Variants in DLC1 observed in about 807,000 individuals in gnomAD.
DLC1 encodes DLC1 Rho GTPase activating protein.
A neutral mutation model predicts 140.3 loss-of-function variants in DLC1; 54 were observed. That is an observed-to-expected ratio of 0.38 (90% CI 0.31 to 0.48). The LOEUF is 0.48. Ranked by LOEUF, DLC1 falls within the 20% of genes least tolerant of loss-of-function variation. The pLI, the probability that DLC1 is intolerant of heterozygous loss-of-function variation, is 0.96. For missense variants in DLC1, 2,536 were observed against 1,907.0 expected, an observed-to-expected ratio of 1.33 and a Z score of -6.14; for synonymous variants, 986 against 728.1, an observed-to-expected ratio of 1.35 and a Z score of -5.70.
At chr8:13,508,410 G>C (rs970389658) in intron 1 of DLC1, among the ~76,000 whole-genome samples, 13 of 141,724 alleles carry the variant, frequency 9.2e-5, no homozygotes, top group African/African-American at 1.3e-4. Context: ...TATGGATGTA[G>C]TAACTTCTTT....
At chr8:13,214,315 G>A (rs1284282970) in intron 5 of DLC1, 1 of 247,470 alleles carries the variant, frequency 4.0e-6, no homozygotes, top group Non-Finnish European at 7.7e-6. Context: ...GACCAATTTA[G>A]CATCCTTACA....
Position 13,084,484 on chromosome 8 carries a change from T to A in DLC1, c.*1327A>T, listed in dbSNP as rs1237807813. 1 of 152,514 alleles carries A rather than the reference T, an allele frequency of 6.6e-6. No homozygotes were observed. The highest frequency in any genetic ancestry group is 1.5e-5 in the Non-Finnish European group (1 of 68,012). 9.4% of individuals were successfully genotyped at this position (152,514 alleles called of 1,614,324 possible). On this transcript the variant is annotated 3_prime_UTR_variant, in exon 18 of 18. Transcript: ENST00000276297. Reference sequence around the variant, plus strand: ...CCTTACCATTACAGTAAAACCTGAATAAAGACCACCCTTCTAAAGGTTCTA... The same window carrying A: ...CCTTACCATTACAGTAAAACCTGAAAAAAGACCACCCTTCTAAAGGTTCTA...
intron 4 of DLC1, among the ~76,000 whole-genome samples, chr8:13,330,826 T>C (rs1040764659): frequency 2.0e-5 from 3 of 152,230 alleles, no homozygotes; most frequent in African/African-American, 7.2e-5. Context: ...AAACTGAACA[T>C]GACTCAAAAT....
At chr8:13,103,856 AAAAG>A (rs547414243) in intron 7 of DLC1, among the ~76,000 whole-genome samples, 40,021 of 134,982 alleles carry the variant, frequency 0.3, 6,809 homozygotes, top group Non-Finnish European at 0.42. Context: ...AAAAAAAAAA[AAAAG>A]AAAGAAAGAA....
chr8:13,159,909 C>T (rs1824552306), intron 5 of DLC1, among the ~76,000 whole-genome samples: 1 of 151,338 alleles, frequency 6.6e-6, no homozygotes, highest in South Asian at 2.1e-4. Context: ...TCTGTAATCC[C>T]AGCACTTTGG....
At chr8:13,354,937 A>C (rs1563278728) in intron 4 of DLC1, among the ~76,000 whole-genome samples, 1 of 143,146 alleles carries the variant, frequency 7.0e-6, no homozygotes, top group Non-Finnish European at 1.5e-5. Context: ...TGGATGACAG[A>C]GTGAGACACT....
chr8:13,421,146 A>G (rs771611503), intron 2 of DLC1, among the ~76,000 whole-genome samples: 2 of 152,186 alleles, frequency 1.3e-5, no homozygotes, highest in African/African-American at 2.4e-5. Context: ...AAACTCGATG[A>G]CAGATCCAGA....
At chr8:13,116,015 C>T in intron 5 of DLC1, 1 of 435,650 alleles carries the variant, frequency 2.3e-6, no homozygotes, top group South Asian at 9.1e-5. Flanking sequence ...GCCTGGCCGG[C>T]CTATTGTACT....
intron 4 of DLC1, among the ~76,000 whole-genome samples, chr8:13,347,406 G>C (rs932992694): frequency 6.6e-6 from 1 of 152,190 alleles, no homozygotes; most frequent in South Asian, 2.1e-4. Context: ...AGGATGTGCA[G>C]GTGCTGGAGG....
At chr8:13,388,547 A>G (rs1836620772) in intron 4 of DLC1, among the ~76,000 whole-genome samples, 1 of 152,010 alleles carries the variant, frequency 6.6e-6, no homozygotes, top group Admixed American at 6.6e-5. Context: ...CTTAATAATT[A>G]CTAATTTGGT....
intron 4 of DLC1, among the ~76,000 whole-genome samples, chr8:13,359,387 G>A (rs1835114254): frequency 6.6e-6 from 1 of 152,132 alleles, no homozygotes; most frequent in Non-Finnish European, 1.5e-5. Flanking sequence ...ACAAATCTGG[G>A]CAAATGGGTC....
chr8:13,126,152 T>A (rs186373200), intron 5 of DLC1, among the ~76,000 whole-genome samples: 2 of 152,308 alleles, frequency 1.3e-5, no homozygotes, highest in East Asian at 3.9e-4. Flanking sequence ...TCAGGCCCTC[T>A]AGGCTTGTGC....
chr8:13,592,391 T>C (rs536074101), intron 1 of DLC1, among the ~76,000 whole-genome samples: 1 of 152,228 alleles, frequency 6.6e-6, no homozygotes, highest in South Asian at 2.1e-4. Context: ...TTATTTGTTT[T>C]ATTTATATTT....
intron 5 of DLC1, among the ~76,000 whole-genome samples, chr8:13,245,547 G>A (rs956680461): frequency 6.6e-6 from 1 of 152,050 alleles, no homozygotes; most frequent in Non-Finnish European, 1.5e-5. Context: ...TGTGCCTCCT[G>A]GGAACACATT....
At chr8:13,305,558 C>G (rs1026360895) in intron 4 of DLC1, among the ~76,000 whole-genome samples, 2 of 152,180 alleles carry the variant, frequency 1.3e-5, no homozygotes, top group African/African-American at 4.8e-5. Context: ...TGGCAATAGG[C>G]TGGGTGTGGT....
Position 13,492,001 on chromosome 8 carries a change from T to C in DLC1, c.1023+7048A>G, listed in dbSNP as rs114935869. 4.0e-3 allele frequency among the ~76,000 whole-genome samples: 609 copies of C among 152,338 alleles called. 7 individuals are homozygous for C. Among genetic ancestry groups the C allele is most frequent in the African/African-American group, 0.014 (590 of 41,574 alleles). ...GTTAGCAATGGTGGAATCAATTGGATTCCAATGAATTTGTTTATTATACAT... is the reference window on the plus strand; with the variant it reads ...GTTAGCAATGGTGGAATCAATTGGACTCCAATGAATTTGTTTATTATACAT... On this transcript the variant is annotated intron_variant, in intron 2 of 17. Coordinates refer to ENST00000276297, the MANE Select transcript of DLC1 (RefSeq NM_182643.3).
intron 2 of DLC1, among the ~76,000 whole-genome samples, chr8:13,467,755 G>A (rs1284954905): frequency 6.6e-6 from 1 of 152,116 alleles, no homozygotes; most frequent in Non-Finnish European, 1.5e-5. Flanking sequence ...ATCAATAGAT[G>A]TCAACTTTTT....
At chr8:13,434,017 G>T (rs1025546424) in intron 2 of DLC1, among the ~76,000 whole-genome samples, 1 of 152,020 alleles carries the variant, frequency 6.6e-6, no homozygotes, top group Admixed American at 6.6e-5. Flanking sequence ...CACCATGCCC[G>T]GCTAATTTTG....
chr8:13,586,964 T>C (rs143948434), intron 1 of DLC1, among the ~76,000 whole-genome samples: 133 of 152,146 alleles, frequency 8.7e-4, no homozygotes, highest in African/African-American at 3.2e-3. Flanking sequence ...TACATGGACA[T>C]TGAGGACCTT....
Sources: allele counts gnomAD v4.1 joint callset (sites outside exome capture counted in the v4.1 genomes callset), GRCh38; gene constraint gnomAD v4.1.1; transcripts MANE v1.5; gene names NCBI Gene and HGNC (gene_info 2026-07-23, HGNC 2026-07-21).